HACL2: variants seen among roughly 807,000 people sequenced by gnomAD.
HACL2 encodes 2-hydroxyacyl-CoA lyase 2.
chr19:15,122,829 G>A, the HACL2 span: 2 of 1,613,856 alleles, frequency 1.2e-6, no homozygotes, highest in Middle Eastern at 1.7e-4. The surrounding 1 kb of genome is among the most constrained non-coding windows in gnomAD (Gnocchi z 4.0). Flanking sequence ...AGGACGCTGA[G>A]TCCATAACAT....
At chr19:15,123,276 C>G in the HACL2 span, 1 of 1,609,596 alleles carries the variant, frequency 6.2e-7, no homozygotes, top group East Asian at 2.2e-5. This position sits in a 1 kb window ranked among gnomAD's most constrained non-coding sequence, Gnocchi z 5.1. Context: ...GCCATGCCCA[C>G]TCTCTTGGCC....
the HACL2 span, chr19:15,115,401 C>T: frequency 1.2e-6 from 2 of 1,613,718 alleles, no homozygotes; most frequent in South Asian, 1.1e-5. Context: ...AAGCCCCGGG[C>T]CCCCAGACCC....
At chr19:15,115,465 A>T in the HACL2 span, 1 of 1,608,350 alleles carries the variant, frequency 6.2e-7, no homozygotes, top group Non-Finnish European at 8.5e-7. Flanking sequence ...AGTGGCAAGG[A>T]CTCAGCCCAC....
the HACL2 span, among the ~76,000 whole-genome samples, chr19:15,120,857 A>G: frequency 2.6e-5 from 4 of 152,048 alleles, no homozygotes; most frequent in Non-Finnish European, 5.9e-5. Context: ...GCTCGAGGCC[A>G]GGAGTTCAAG....
the HACL2 span, chr19:15,116,632 G>A: frequency 9.7e-6 from 8 of 823,592 alleles, no homozygotes; most frequent in East Asian, 2.6e-5. Context: ...GCAGGCAGAC[G>A]GGAAGCAGGC....
At chr19:15,122,064 ATTT>A in the HACL2 span, among the ~76,000 whole-genome samples, 44 of 147,326 alleles carry the variant, frequency 3.0e-4, no homozygotes, top group Admixed American at 4.7e-4. The surrounding 1 kb of genome is among the most constrained non-coding windows in gnomAD (Gnocchi z 4.0). Context: ...CGCCCGGCTA[ATTT>A]TTTTTTTTTT....
chr19:15,121,153 G>T, the HACL2 span, among the ~76,000 whole-genome samples: 1 of 152,154 alleles, frequency 6.6e-6, no homozygotes, highest in African/African-American at 2.4e-5. Context: ...CAGCTACTCC[G>T]GGGGCTGAGG....
chr19:15,122,610 A>T, the HACL2 span: 1 of 1,167,436 alleles, frequency 8.6e-7, no homozygotes, highest in Non-Finnish European at 1.3e-6. This position sits in a 1 kb window ranked among gnomAD's most constrained non-coding sequence, Gnocchi z 4.0. Context: ...CCACATGTGA[A>T]TCAAAGGAGG....
chr19:15,122,194 C>CTT, the HACL2 span, among the ~76,000 whole-genome samples: 1 of 151,158 alleles, frequency 6.6e-6, no homozygotes, highest in Non-Finnish European at 1.5e-5. The surrounding 1 kb of genome is among the most constrained non-coding windows in gnomAD (Gnocchi z 4.0). Context: ...TGAGAGCCAC[C>CTT]GCACCCGGCC....
At chr19:15,119,376 G>A in the HACL2 span, 20 of 1,612,744 alleles carry the variant, frequency 1.2e-5, no homozygotes, top group East Asian at 3.6e-4. Context: ...GAGGACTGGG[G>A]ACTGGGAACG....
the HACL2 span, chr19:15,115,766 A>G: frequency 7.0e-6 from 11 of 1,566,600 alleles, no homozygotes; most frequent in South Asian, 1.1e-4. Context: ...GCCAGAGAGG[A>G]GGCTCCCTCC....
chr19:15,121,937 A>G, the HACL2 span, among the ~76,000 whole-genome samples: 1 of 133,712 alleles, frequency 7.5e-6, no homozygotes, highest in South Asian at 2.3e-4. Flanking sequence ...TTGCTCTGTC[A>G]CCCAGGCTGG....
the HACL2 span, chr19:15,123,258 C>G: frequency 6.2e-7 from 1 of 1,612,880 alleles, no homozygotes; most frequent in Non-Finnish European, 8.5e-7. This position sits in a 1 kb window ranked among gnomAD's most constrained non-coding sequence, Gnocchi z 5.1. Context: ...AACACAGAGC[C>G]CATCACAGCC....
the HACL2 span, chr19:15,122,722 G>T: frequency 5.6e-6 from 9 of 1,613,948 alleles, no homozygotes; most frequent in Non-Finnish European, 7.6e-6. This position sits in a 1 kb window ranked among gnomAD's most constrained non-coding sequence, Gnocchi z 4.0. Flanking sequence ...CGAGGCCCTT[G>T]GGTGGCTTGG....
the HACL2 span, chr19:15,115,938 C>G: frequency 1.2e-6 from 2 of 1,613,998 alleles, no homozygotes; most frequent in African/African-American, 2.7e-5. Flanking sequence ...GGGAGGGGAC[C>G]CAGGATGGTT....
At chr19:15,118,590 C>T in the HACL2 span, among the ~76,000 whole-genome samples, 1 of 152,078 alleles carries the variant, frequency 6.6e-6, no homozygotes, top group Non-Finnish European at 1.5e-5. Context: ...AGGACCCCCA[C>T]CCCCCATTCC....
At chr19:15,116,783 G>A in the HACL2 span, 1 of 477,602 alleles carries the variant, frequency 2.1e-6, no homozygotes, top group South Asian at 2.9e-5. Context: ...ACCCAAGCTG[G>A]CCTCGTCCCC....
At chr19:15,125,389 A>AGGT in the HACL2 span, 1 of 293,850 alleles carries the variant, frequency 3.4e-6, no homozygotes, top group Non-Finnish European at 6.4e-6. Flanking sequence ...CCTACTTGTC[A>AGGT]ATGGACAGGC....
At chr19:15,115,098 C>T in the HACL2 span, 1 of 829,202 alleles carries the variant, frequency 1.2e-6, no homozygotes, top group Non-Finnish European at 2.0e-6. Flanking sequence ...AAGAGAGCCT[C>T]TCTGAGATTT....
Sources: allele counts gnomAD v4.1 joint callset (sites outside exome capture counted in the v4.1 genomes callset), GRCh38; gene constraint gnomAD v4.1.1; non-coding constraint Gnocchi (gnomAD v3.1); transcripts MANE v1.5; gene names NCBI Gene and HGNC (gene_info 2026-07-23, HGNC 2026-07-21).